The following ARID1B variants were observed in gnomAD, a reference collection of about 807,000 sequenced individuals.
The protein encoded by ARID1B is AT-rich interaction domain 1B.
In ARID1B, 30 loss-of-function variants were observed where a neutral mutation model predicts 212.3. That is an observed-to-expected ratio of 0.14 (90% CI 0.11 to 0.19). The LOEUF (loss-of-function observed/expected upper bound fraction) is 0.19. Among genes scored for constraint, ARID1B ranks in the 10% least tolerant of loss-of-function variants. ARID1B has a pLI of 1.00. For synonymous variants in ARID1B, 1,402 were observed against 1,301.7 expected (o/e 1.08, Z -1.66); for missense variants, 2,891 against 3,204.0 (o/e 0.90, Z 2.36).
intron 3 of ARID1B, among the ~76,000 whole-genome samples, chr6:156,926,369 G>A (rs1353508040): frequency 6.6e-6 from 1 of 152,082 alleles, no homozygotes; most frequent in East Asian, 1.9e-4. Context: ...AAAATAGGTG[G>A]GGGCATTATG....
intron 4 of ARID1B, among the ~76,000 whole-genome samples, chr6:157,079,453 T>C (rs1784503677): frequency 6.6e-6 from 1 of 152,220 alleles, no homozygotes; most frequent in African/African-American, 2.4e-5. Flanking sequence ...AATTCTCATA[T>C]CAATTTCAAG....
At chr6:156,883,793 G>A (rs879783142) in intron 2 of ARID1B, among the ~76,000 whole-genome samples, 5 of 152,150 alleles carry the variant, frequency 3.3e-5, no homozygotes, top group Admixed American at 3.3e-4. Flanking sequence ...CTGTTCTGCT[G>A]GTGTTTGCCT....
At chr6:156,901,638 A>G in intron 3 of ARID1B, 113 bp downstream of exon 3, 1 of 1,354,322 alleles carries the variant, frequency 7.4e-7, no homozygotes, top group Non-Finnish European at 9.8e-7. Context: ...AAAAAAAATT[A>G]GTTTTGAGAA....
chr6:156,987,025 A>G (rs1777961279), intron 4 of ARID1B, among the ~76,000 whole-genome samples: 2 of 152,116 alleles, frequency 1.3e-5, no homozygotes, highest in East Asian at 1.9e-4. Flanking sequence ...ACAAAAATAT[A>G]AAAAATTAGT....
At chr6:156,990,694 G>C (rs1283254766) in intron 4 of ARID1B, among the ~76,000 whole-genome samples, 5 of 152,044 alleles carry the variant, frequency 3.3e-5, no homozygotes, top group African/African-American at 1.2e-4. Context: ...GTCTCATCTT[G>C]TTTTCCAAGC....
intron 5 of ARID1B, among the ~76,000 whole-genome samples, chr6:157,108,383 T>C (rs1410489844): frequency 2.6e-5 from 4 of 152,204 alleles, no homozygotes; most frequent in African/African-American, 9.6e-5. Flanking sequence ...CGGTGCCCTG[T>C]GTTCACATAG....
At chr6:157,004,740 AG>A (rs1447853467) in intron 4 of ARID1B, among the ~76,000 whole-genome samples, 1 of 151,982 alleles carries the variant, frequency 6.6e-6, no homozygotes, top group Non-Finnish European at 1.5e-5. Context: ...GTGTTAGGGG[AG>A]GGTGTTGGGA....
At chr6:156,835,068 C>G (rs1462347903) in intron 2 of ARID1B, among the ~76,000 whole-genome samples, 1 of 151,844 alleles carries the variant, frequency 6.6e-6, no homozygotes, top group African/African-American at 2.4e-5. Flanking sequence ...GAAACCTTGT[C>G]TCTACTAAAA....
At chr6:156,942,505 C>T (rs1792751678) in intron 4 of ARID1B, 1 of 152,100 alleles carries the variant, frequency 6.6e-6, no homozygotes, top group Non-Finnish European at 1.5e-5. Context: ...GAGTGGGTCT[C>T]AGGGAGTCTA....
chr6:157,083,352 A>C (rs1784751288), intron 4 of ARID1B, among the ~76,000 whole-genome samples: 1 of 152,094 alleles, frequency 6.6e-6, no homozygotes. Flanking sequence ...AGCCTTGAGA[A>C]CTCGTTGGCA....
At position 157,206,282 on chromosome 6, in the gene ARID1B, A is replaced by G. The variant is rs759224463; in HGVS notation, c.5510A>G (p.Asn1837Ser). 1.9e-6 allele frequency: 3 copies of G among 1,614,192 alleles called. No individual in the cohort carries two copies. The East Asian group carries it at 6.7e-5, about 36-fold the overall frequency. Reference protein sequence around the residue: ...GDPSQKALDHNAARKDDSQSL... With the variant: ...GDPSQKALDHSAARKDDSQSL... ...CCCAGCCAAAAAGCACTTGATCACA[A>G]CGCAGCAAGGAAGGATGACAGCCAG... The change falls in exon 20 of 20, where the codon AAC becomes AGC. Residue 1837 changes from asparagine (N) to serine (S), a missense_variant. By Grantham distance (46) the Asn-to-Ser change is conservative. Around this residue, in one of 7 missense-constraint regions of ARID1B, gnomAD observed 332 missense variants for 369.2 expected, o/e 0.90. Coordinates refer to ENST00000636930, the MANE Select transcript of ARID1B (RefSeq NM_001374828.1). This position sits in a 1 kb window ranked among gnomAD's most constrained non-coding sequence, Gnocchi z 6.8.
intron 4 of ARID1B, among the ~76,000 whole-genome samples, chr6:156,946,234 T>G (rs1200374406): frequency 6.7e-6 from 1 of 149,350 alleles, no homozygotes; most frequent in African/African-American, 2.5e-5. Context: ...TCGCCGGGCA[T>G]GGCAGTGCAC....
chr6:156,875,828 G>A (rs1197465743), intron 2 of ARID1B, among the ~76,000 whole-genome samples: 7 of 152,218 alleles, frequency 4.6e-5, no homozygotes, highest in Admixed American at 4.6e-4. Context: ...GATTACAAGA[G>A]GGCTACGTTT....
chr6:157,177,382 G>A (rs1376379866), intron 11 of ARID1B, among the ~76,000 whole-genome samples: 1 of 152,096 alleles, frequency 6.6e-6, no homozygotes. Flanking sequence ...ATGCAACCCC[G>A]GAATAGTTAA....
At chr6:157,174,654 A>G (rs766056764) in intron 10 of ARID1B, among the ~76,000 whole-genome samples, 193 bp from the exon 11 acceptor site, 17 of 149,802 alleles carry the variant, frequency 1.1e-4, no homozygotes, top group Non-Finnish European at 2.1e-4. Context: ...AATTATACTA[A>G]TTAAGAATGT....
At chr6:157,046,566 G>A (rs1015269359) in intron 4 of ARID1B, among the ~76,000 whole-genome samples, 1 of 152,118 alleles carries the variant, frequency 6.6e-6, no homozygotes, top group Admixed American at 6.5e-5. Context: ...CAGGCCTCCT[G>A]TATTCATTGG....
At chr6:156,994,127 T>C (rs971622921) in intron 4 of ARID1B, among the ~76,000 whole-genome samples, 5 of 152,176 alleles carry the variant, frequency 3.3e-5, no homozygotes, top group African/African-American at 1.2e-4. Context: ...TAAGTACATT[T>C]TAAGAATACT....
intron 9 of ARID1B, among the ~76,000 whole-genome samples, chr6:157,171,148 A>G (rs1384284446): frequency 3.3e-5 from 5 of 152,206 alleles, no homozygotes; most frequent in Non-Finnish European, 2.9e-5. Context: ...TTTTGAATAT[A>G]TTAAATCCAG....
At chr6:156,969,187 T>A (rs1441782895) in intron 4 of ARID1B, among the ~76,000 whole-genome samples, 1 of 152,234 alleles carries the variant, frequency 6.6e-6, no homozygotes, top group Non-Finnish European at 1.5e-5. Flanking sequence ...ATTACCTCAG[T>A]GGACACTGAG....
Sources: gnomAD v4.1 joint callset for allele counts (sites outside exome capture counted in the v4.1 genomes callset) on GRCh38, gnomAD v4.1.1 for gene constraint, gnomAD v4.1.1 regional missense constraint, Gnocchi (gnomAD v3.1) non-coding constraint, MANE v1.5 for transcripts, NCBI Gene and HGNC (gene_info 2026-07-23, HGNC 2026-07-21) for gene names.